KIF16B: variants seen among roughly 807,000 people sequenced by gnomAD.
The protein encoded by KIF16B is kinesin-like protein KIF16B.
Under a neutral mutation model 156.3 loss-of-function variants are expected in KIF16B, and 98 were observed. The ratio of observed to expected loss-of-function variants is 0.63; its 90% confidence interval spans 0.53 to 0.74. KIF16B has a LOEUF of 0.74. Among genes scored for constraint, KIF16B ranks in the 30% least tolerant of loss-of-function variants. The probability of loss-of-function intolerance (pLI) is 0.00; values close to 1 mark genes in which losing one functional copy is unlikely to be tolerated. For synonymous variants in KIF16B, 564 were observed against 583.7 expected, an observed-to-expected ratio of 0.97 and a Z score of 0.49; for missense variants, 1,421 against 1,606.5, an observed-to-expected ratio of 0.88 and a Z score of 1.97.
chr20:16,430,694 C>T (rs1360554018), intron 12 of KIF16B, among the ~76,000 whole-genome samples: 3 of 151,884 alleles, frequency 2.0e-5, no homozygotes, highest in East Asian at 1.9e-4. Context: ...TCTTCTTTAC[C>T]GACACTGACT....
chr20:16,420,993 G>A (rs1021999474), intron 15 of KIF16B, among the ~76,000 whole-genome samples: 9 of 152,118 alleles, frequency 5.9e-5, no homozygotes, highest in Middle Eastern at 3.2e-3. Flanking sequence ...ATTCGAGCAC[G>A]AATGATAATG....
intron 25 of KIF16B, among the ~76,000 whole-genome samples, chr20:16,285,159 A>T (rs2063204588): frequency 6.6e-6 from 1 of 152,234 alleles, no homozygotes; most frequent in Non-Finnish European, 1.5e-5. Context: ...AAATAGCAAC[A>T]TGTGACTGGT....
chr20:16,385,302 ACACT>A (rs1241925782), intron 17 of KIF16B, among the ~76,000 whole-genome samples: 1 of 152,184 alleles, frequency 6.6e-6, no homozygotes. Flanking sequence ...CTCTCTCCTG[ACACT>A]CAGCAGGTTG....
At chr20:16,274,826 G>A (rs1601463458) in intron 25 of KIF16B, among the ~76,000 whole-genome samples, 1 of 152,218 alleles carries the variant, frequency 6.6e-6, no homozygotes, top group Non-Finnish European at 1.5e-5. Flanking sequence ...TGTCGACGAT[G>A]CCACAGTTGA....
rs1343581658 is a variant in KIF16B at position 16,410,217 on chromosome 20, GTAGGTACATATACATA to G, written c.1613-3777_1613-3762del. 2.4e-3 allele frequency among the ~76,000 whole-genome samples: 317 copies of G among 132,448 alleles called. 1 individual carries two copies. Among genetic ancestry groups the G allele is most frequent in the African/African-American group, 9.0e-3 (302 of 33,726 alleles). The allele number at this position is 132,448 out of a possible 152,430, so 86.9% of individuals were successfully genotyped here. On this transcript the variant is annotated intron_variant, in intron 15 of 25. Transcript: ENST00000354981. ...TACATATATGTAGGTACATATACAT[GTAGGTACATATACATA>G]TATGTAGGTACATATATATATGTCG...
chr20:16,476,188 GAAC>G (rs1321089974), intron 12 of KIF16B, among the ~76,000 whole-genome samples: 1 of 152,144 alleles, frequency 6.6e-6, no homozygotes, highest in African/African-American at 2.4e-5. Context: ...GCAGTCTGTA[GAAC>G]AACATTTATT....
chr20:16,393,641 C>A (rs1018850912), intron 17 of KIF16B, among the ~76,000 whole-genome samples: 7 of 152,324 alleles, frequency 4.6e-5, no homozygotes, highest in African/African-American at 9.6e-5. Flanking sequence ...ACTGAAAAAA[C>A]CAGACTCTTC....
chr20:16,478,285 C>T (rs530690093), intron 12 of KIF16B, among the ~76,000 whole-genome samples: 1 of 152,196 alleles, frequency 6.6e-6, no homozygotes, highest in East Asian at 1.9e-4. Flanking sequence ...CACTAGAGTG[C>T]ATAACATGAA....
intron 15 of KIF16B, among the ~76,000 whole-genome samples, chr20:16,424,124 A>G (rs1481637292): frequency 6.6e-6 from 1 of 152,062 alleles, no homozygotes; most frequent in African/African-American, 2.4e-5. Context: ...TGTAATAATC[A>G]CTGAGGGATC....
intron 25 of KIF16B, among the ~76,000 whole-genome samples, chr20:16,293,638 A>G (rs2063342909): frequency 6.6e-6 from 1 of 152,102 alleles, no homozygotes; most frequent in Non-Finnish European, 1.5e-5. Flanking sequence ...GATGATGGAG[A>G]AGGACAATTG....
At chr20:16,539,577 T>G (rs936288028) in intron 1 of KIF16B, among the ~76,000 whole-genome samples, 2 of 151,996 alleles carry the variant, frequency 1.3e-5, no homozygotes, top group Non-Finnish European at 2.9e-5. Context: ...TCTCATTCTT[T>G]CCATGTGATG....
intron 13 of KIF16B, among the ~76,000 whole-genome samples, 153 bp from the exon 14 acceptor site, chr20:16,429,157 C>A (rs1366281182): frequency 3.9e-5 from 6 of 152,172 alleles, no homozygotes; most frequent in Non-Finnish European, 7.3e-5. Context: ...CTCCCCAAGG[C>A]TCTGTAAAAA....
chr20:16,337,127 T>G (rs2064053278), intron 23 of KIF16B, among the ~76,000 whole-genome samples: 1 of 152,180 alleles, frequency 6.6e-6, no homozygotes, highest in Non-Finnish European at 1.5e-5. Flanking sequence ...TCCTGCTAGG[T>G]GTCTTCACTC....
chr20:16,493,648 A>G (rs942159131), intron 12 of KIF16B, among the ~76,000 whole-genome samples: 4 of 152,220 alleles, frequency 2.6e-5, no homozygotes, highest in Admixed American at 6.5e-5. Context: ...CAAACCTGGT[A>G]TGGCTGACTC....
intron 1 of KIF16B, among the ~76,000 whole-genome samples, chr20:16,554,025 G>A (rs775427800): frequency 5.9e-5 from 9 of 152,318 alleles, no homozygotes; most frequent in East Asian, 5.8e-4. Context: ...GCTCAGCGCC[G>A]GCCTGCAGGC....
chr20:16,523,603 A>C (rs1469772444), intron 3 of KIF16B, among the ~76,000 whole-genome samples: 1 of 152,220 alleles, frequency 6.6e-6, no homozygotes, highest in Non-Finnish European at 1.5e-5. Context: ...AAATGGCCAT[A>C]CTGCCCAAAG....
At chr20:16,422,275 T>G (rs1393941554) in intron 15 of KIF16B, among the ~76,000 whole-genome samples, 2 of 152,132 alleles carry the variant, frequency 1.3e-5, no homozygotes, top group Admixed American at 1.3e-4. Context: ...AATTTTAAGT[T>G]CTAGACAGTG....
At chr20:16,481,683 A>G (rs1199747033) in intron 12 of KIF16B, among the ~76,000 whole-genome samples, 1 of 152,202 alleles carries the variant, frequency 6.6e-6, no homozygotes, top group East Asian at 1.9e-4. Context: ...CTGGACCTAG[A>G]GGAAAATGAC....
At chr20:16,454,926 A>G (rs2067175736) in intron 12 of KIF16B, among the ~76,000 whole-genome samples, 1 of 152,226 alleles carries the variant, frequency 6.6e-6, no homozygotes, top group Non-Finnish European at 1.5e-5. Flanking sequence ...CTCAGAGAGA[A>G]AAGACTCAAT....
Sources: gnomAD v4.1 joint callset for allele counts (sites outside exome capture counted in the v4.1 genomes callset) on GRCh38, gnomAD v4.1.1 for gene constraint, MANE v1.5 for transcripts, NCBI Gene and HGNC (gene_info 2026-07-23, HGNC 2026-07-21) for gene names.